Variants in RNLS observed in about 807,000 individuals in gnomAD.
RNLS encodes renalase, FAD dependent amine oxidase.
In RNLS, 39 loss-of-function variants were observed where a neutral mutation model predicts 39.8. That is an observed-to-expected ratio of 0.98 (90% CI 0.76 to 1.28). The LOEUF is 1.28. Among genes scored for constraint, RNLS ranks in the 50% most tolerant of loss-of-function variants. The probability of loss-of-function intolerance (pLI) is 0.00; values close to 1 mark genes in which losing one functional copy is unlikely to be tolerated. For missense variants in RNLS, 410 were observed against 413.3 expected (o/e 0.99, Z 0.07); for synonymous variants, 147 against 150.7 (o/e 0.98, Z 0.18).
chr10:88,309,131 G>A (rs1333125869), intron 6 of RNLS, among the ~76,000 whole-genome samples: 1 of 152,216 alleles, frequency 6.6e-6, no homozygotes, highest in East Asian at 1.9e-4. Context: ...GAGGGTGGAG[G>A]GTATAGGGTG....
At chr10:88,288,276 C>T (rs2132637735) in intron 6 of RNLS, among the ~76,000 whole-genome samples, 1 of 152,246 alleles carries the variant, frequency 6.6e-6, no homozygotes, top group South Asian at 2.1e-4. Flanking sequence ...AAGATTACTA[C>T]TTGCCCAAAG....
chr10:88,562,905 G>T (rs1849275330), intron 4 of RNLS, among the ~76,000 whole-genome samples: 1 of 152,064 alleles, frequency 6.6e-6, no homozygotes, highest in Admixed American at 6.6e-5. Flanking sequence ...TAGGTATATT[G>T]TTCTCTGGAA....
chr10:88,341,912 T>G (rs1847984853), intron 5 of RNLS, among the ~76,000 whole-genome samples: 1 of 152,164 alleles, frequency 6.6e-6, no homozygotes, highest in African/African-American at 2.4e-5. Flanking sequence ...AAAAGATTTT[T>G]TATATTCTCT....
intron 4 of RNLS, among the ~76,000 whole-genome samples, chr10:88,532,733 T>A (rs1265275206): frequency 6.6e-6 from 1 of 151,990 alleles, no homozygotes; most frequent in Non-Finnish European, 1.5e-5. Context: ...ATAATTACAG[T>A]ATCAATACTA....
At chr10:88,310,898 A>G (rs1845333159) in intron 6 of RNLS, among the ~76,000 whole-genome samples, 1 of 151,564 alleles carries the variant, frequency 6.6e-6, no homozygotes, top group Admixed American at 6.6e-5. Flanking sequence ...ATATATAACT[A>G]CAGAAGATAA....
At chr10:88,471,310 C>A (rs142981517) in intron 4 of RNLS, among the ~76,000 whole-genome samples, 2 of 152,250 alleles carry the variant, frequency 1.3e-5, no homozygotes, top group Non-Finnish European at 2.9e-5. Context: ...CTAATTGCAG[C>A]CTTGGGTGTG....
chr10:88,488,834 C>T (rs1844723621), intron 4 of RNLS, among the ~76,000 whole-genome samples: 1 of 152,132 alleles, frequency 6.6e-6, no homozygotes, highest in Non-Finnish European at 1.5e-5. Flanking sequence ...GAATTTGGGT[C>T]ATAGTTGCGA....
Position 88,483,263 on chromosome 10 carries a change from G to GT in RNLS, c.526+89639dup, listed in dbSNP as rs1407679510. 5.3e-5 allele frequency among the ~76,000 whole-genome samples: 8 copies of GT among 152,150 alleles called. No individual in the cohort carries two copies. The South Asian group carries it at 1.2e-3, about 24-fold the overall frequency. Reference sequence around the variant, plus strand: ...AGCTGTTAAATGGTTATTTTTGTCAGTTTTTTCTGGCTTTACAACCCCTTT... The same window carrying GT: ...AGCTGTTAAATGGTTATTTTTGTCAGTTTTTTTCTGGCTTTACAACCCCTTT... On this transcript the variant is annotated intron_variant, in intron 4 of 6. Coordinates refer to ENST00000331772, the MANE Select transcript of RNLS (RefSeq NM_001031709.3).
chr10:88,388,984 T>C (rs1852033903), intron 4 of RNLS, among the ~76,000 whole-genome samples: 1 of 152,182 alleles, frequency 6.6e-6, no homozygotes, highest in Non-Finnish European at 1.5e-5. Flanking sequence ...GTGTTTCCTG[T>C]TTGTAACCTG....
chr10:88,372,910 A>G (rs1480335935), intron 4 of RNLS, among the ~76,000 whole-genome samples: 1 of 152,150 alleles, frequency 6.6e-6, no homozygotes, highest in Admixed American at 6.6e-5. Flanking sequence ...AACTTTTTAG[A>G]CTATTATGCC....
At chr10:88,296,983 T>C (rs775727320) in intron 6 of RNLS, among the ~76,000 whole-genome samples, 2 of 152,222 alleles carry the variant, frequency 1.3e-5, no homozygotes, top group East Asian at 3.8e-4. Context: ...TCTAGTTTGT[T>C]CCTTTTTATT....
chr10:88,344,213 C>G (rs192917886), intron 5 of RNLS, among the ~76,000 whole-genome samples: 5 of 152,212 alleles, frequency 3.3e-5, no homozygotes, highest in Admixed American at 2.6e-4. Flanking sequence ...TGTAGCTGCT[C>G]AAATGAGCAA....
chr10:88,484,670 C>T (rs988148735), intron 4 of RNLS, among the ~76,000 whole-genome samples: 1 of 151,890 alleles, frequency 6.6e-6, no homozygotes, highest in African/African-American at 2.4e-5. Flanking sequence ...ATATATAGAG[C>T]AGTTAATGAT....
At chr10:88,575,191 A>AG (rs1850113659) in intron 3 of RNLS, among the ~76,000 whole-genome samples, 2 of 99,342 alleles carry the variant, frequency 2.0e-5, no homozygotes, top group Non-Finnish European at 3.8e-5. Context: ...TATTATATAT[A>AG]TATACTATAT....
At chr10:88,208,292 C>T in the RNLS span, among the ~76,000 whole-genome samples, 1 of 151,922 alleles carries the variant, frequency 6.6e-6, no homozygotes, top group African/African-American at 2.4e-5. Flanking sequence ...GGGAAATTTC[C>T]CATCATTTTG....
At chr10:88,443,688 G>A (rs1162781521) in intron 4 of RNLS, among the ~76,000 whole-genome samples, 2 of 152,230 alleles carry the variant, frequency 1.3e-5, no homozygotes, top group Non-Finnish European at 2.9e-5. Flanking sequence ...GGCTTGGAGG[G>A]TCCCATGCCC....
At chr10:88,419,937 GA>G in intron 4 of RNLS, among the ~76,000 whole-genome samples, 1 of 152,072 alleles carries the variant, frequency 6.6e-6, no homozygotes, top group East Asian at 1.9e-4. Context: ...TTGAACCTGG[GA>G]GGTGGAGGTT....
intron 4 of RNLS, among the ~76,000 whole-genome samples, chr10:88,483,008 T>G (rs1354873091): frequency 6.6e-6 from 1 of 151,884 alleles, no homozygotes; most frequent in Non-Finnish European, 1.5e-5. Context: ...AGAGACAGGG[T>G]CTTGCTATAT....
At chr10:88,300,201 C>A (rs762440646) in intron 6 of RNLS, among the ~76,000 whole-genome samples, 1 of 152,158 alleles carries the variant, frequency 6.6e-6, no homozygotes, top group Non-Finnish European at 1.5e-5. Context: ...GGAAGGGATA[C>A]AAACTCCACA....
Sources: allele counts gnomAD v4.1 joint callset (sites outside exome capture counted in the v4.1 genomes callset), GRCh38; gene constraint gnomAD v4.1.1; transcripts MANE v1.5; gene names NCBI Gene and HGNC (gene_info 2026-07-23, HGNC 2026-07-21).